The following SDK1 variants were observed in gnomAD, a reference collection of about 807,000 sequenced individuals.
The protein encoded by SDK1 is sidekick cell adhesion molecule 1, also known as protein sidekick-1.
Under a neutral mutation model 245.5 loss-of-function variants are expected in SDK1, and 157 were observed. The observed-to-expected ratio is 0.64, with a 90% CI of 0.56 to 0.73. The LOEUF (loss-of-function observed/expected upper bound fraction) is 0.73, where lower values mean the gene tolerates loss of function less well. SDK1 is among the 30% of genes least tolerant of loss of function. The probability of loss-of-function intolerance (pLI) is 0.00; values close to 1 mark genes in which losing one functional copy is unlikely to be tolerated. For synonymous variants in SDK1, 1,647 were observed against 1,278.5 expected (o/e 1.29, Z -6.15); for missense variants, 3,583 against 3,002.3 (o/e 1.19, Z -4.52).
chr7:3,724,629 T>C (rs1169903899), intron 4 of SDK1, among the ~76,000 whole-genome samples: 1 of 152,160 alleles, frequency 6.6e-6, no homozygotes, highest in Admixed American at 6.5e-5. Flanking sequence ...AAAAGTGGTT[T>C]TTATCCCAAG....
chr7:3,714,738 G>T (rs1785151658), intron 4 of SDK1, among the ~76,000 whole-genome samples: 1 of 152,184 alleles, frequency 6.6e-6, no homozygotes, highest in South Asian at 2.1e-4. Context: ...TTCCATGCTT[G>T]AAGCGTTGAG....
intron 19 of SDK1, 146 bp from the exon 20 acceptor site, chr7:4,067,692 C>T: frequency 5.1e-6 from 3 of 591,622 alleles, no homozygotes; most frequent in Non-Finnish European, 9.1e-6. Context: ...CACCCTCCTT[C>T]TTTCTGCATT....
chr7:4,044,711 T>C (rs1788891335), intron 17 of SDK1, among the ~76,000 whole-genome samples: 1 of 152,006 alleles, frequency 6.6e-6, no homozygotes, highest in African/African-American at 2.4e-5. Context: ...TCCCAAAGTG[T>C]TGGGATTACA....
intron 1 of SDK1, among the ~76,000 whole-genome samples, chr7:3,407,089 A>G (rs1779074891): frequency 6.6e-6 from 1 of 152,194 alleles, no homozygotes; most frequent in South Asian, 2.1e-4. Context: ...CTTACTAGGT[A>G]GGAAAACAAA....
chr7:3,377,115 G>T (rs1041757229), intron 1 of SDK1, among the ~76,000 whole-genome samples: 13 of 152,038 alleles, frequency 8.6e-5, no homozygotes, highest in African/African-American at 3.1e-4. Flanking sequence ...TTTCTTTTAG[G>T]ATTCTGTTCT....
At chr7:3,938,252 C>T (rs1318985256) in intron 5 of SDK1, among the ~76,000 whole-genome samples, 1 of 152,200 alleles carries the variant, frequency 6.6e-6, no homozygotes, top group Non-Finnish European at 1.5e-5. Flanking sequence ...TACCCTCTTA[C>T]CCCTTGGTCC....
rs562690135 is a variant in SDK1 at position 4,183,041 on chromosome 7, G to A, written c.5098+4455G>A. ...TTAGTTTTTTCCAGGATAGTTTGGT[G>A]GGCGTGGGGGCTAGGGAGTGGGTGC... On this transcript the variant is annotated intron_variant, in intron 35 of 44. Coordinates refer to ENST00000404826, the MANE Select transcript of SDK1 (RefSeq NM_152744.4). Among the ~76,000 whole-genome samples the A allele has an allele frequency of 5.3e-5, 8 of 152,322 alleles. No individual in the cohort carries two copies. The East Asian group carries it at 1.4e-3, about 26-fold the overall frequency.
intron 19 of SDK1, among the ~76,000 whole-genome samples, chr7:4,063,180 C>T (rs759986938): frequency 1.3e-5 from 2 of 152,298 alleles, no homozygotes; most frequent in Non-Finnish European, 2.9e-5. Context: ...TTGCAGATGA[C>T]ATGATCTTGT....
intron 40 of SDK1, among the ~76,000 whole-genome samples, chr7:4,224,561 A>T (rs183231678): frequency 6.6e-6 from 1 of 152,270 alleles, no homozygotes; most frequent in African/African-American, 2.4e-5. Context: ...ACGATAATTC[A>T]ACCTGAGATT....
intron 40 of SDK1, among the ~76,000 whole-genome samples, chr7:4,230,627 A>G (rs1005694921): frequency 2.6e-5 from 4 of 151,662 alleles, no homozygotes; most frequent in African/African-American, 7.3e-5. Context: ...GGATCATGGA[A>G]AGATGGACAG....
At position 3,738,044 on chromosome 7, in the gene SDK1, C is replaced by T. The variant is rs970180282; in HGVS notation, c.714-83406C>T. Among the ~76,000 whole-genome samples the T allele has an allele frequency of 3.3e-5, 5 of 152,268 alleles. No homozygotes were observed. In the East Asian group the frequency reaches 7.7e-4, roughly 24 times the overall value. On this transcript the variant is annotated intron_variant, in intron 4 of 44. Transcript: ENST00000404826. ...GCTAGTTGGTTGTTTTGTGAGGGGACGAAAGCTGGGGACCTCCTCTTCTGC... is the reference window on the plus strand; with the variant it reads ...GCTAGTTGGTTGTTTTGTGAGGGGATGAAAGCTGGGGACCTCCTCTTCTGC...
chr7:4,173,175 A>G (rs1781961961), intron 32 of SDK1, among the ~76,000 whole-genome samples: 1 of 152,188 alleles, frequency 6.6e-6, no homozygotes, highest in African/African-American at 2.4e-5. Context: ...CCTCGTCTTC[A>G]GCCATCTTCT....
At chr7:3,516,037 A>C (rs1782736965) in intron 1 of SDK1, among the ~76,000 whole-genome samples, 2 of 151,556 alleles carry the variant, frequency 1.3e-5, no homozygotes, top group Admixed American at 1.3e-4. Flanking sequence ...AAAGTGTTAA[A>C]TCTTCAATGC....
At chr7:4,090,879 T>A (rs937664755) in intron 22 of SDK1, among the ~76,000 whole-genome samples, 1 of 142,300 alleles carries the variant, frequency 7.0e-6, no homozygotes, top group Non-Finnish European at 1.5e-5. Context: ...TGCAAAACCC[T>A]CAGTTTATGT....
chr7:3,679,966 A>C (rs1034160567), intron 4 of SDK1, among the ~76,000 whole-genome samples: 5 of 152,012 alleles, frequency 3.3e-5, no homozygotes, highest in African/African-American at 9.7e-5. Flanking sequence ...ATGTTCACAG[A>C]GGCTTTATTT....
chr7:4,136,253 G>T (rs1779083171), intron 28 of SDK1, among the ~76,000 whole-genome samples: 1 of 152,146 alleles, frequency 6.6e-6, no homozygotes, highest in Non-Finnish European at 1.5e-5. Flanking sequence ...GTCACCCATG[G>T]GTCATTACAG....
chr7:4,251,791 C>G (rs986244525), intron 44 of SDK1, among the ~76,000 whole-genome samples: 1 of 152,246 alleles, frequency 6.6e-6, no homozygotes, highest in Non-Finnish European at 1.5e-5. Flanking sequence ...CTAGTGGTCT[C>G]AGACCTGCTC....
intron 1 of SDK1, among the ~76,000 whole-genome samples, chr7:3,480,652 A>T: frequency 6.6e-6 from 1 of 152,202 alleles, no homozygotes; most frequent in East Asian, 1.9e-4. Context: ...GCCTGTTTGG[A>T]TATACCTATG....
intron 17 of SDK1, among the ~76,000 whole-genome samples, chr7:4,020,909 C>T (rs952843027): frequency 3.9e-5 from 6 of 152,188 alleles, no homozygotes; most frequent in Non-Finnish European, 1.5e-5. Flanking sequence ...GCTTTCAAAA[C>T]AAGGAGACAT....
Sources: allele counts gnomAD v4.1 joint callset (sites outside exome capture counted in the v4.1 genomes callset), GRCh38; gene constraint gnomAD v4.1.1; transcripts MANE v1.5; gene names NCBI Gene and HGNC (gene_info 2026-07-23, HGNC 2026-07-21).